MAST2: variants seen among roughly 807,000 people sequenced by gnomAD.
MAST2 encodes microtubule associated serine/threonine kinase 2.
Under a neutral mutation model 147.4 loss-of-function variants are expected in MAST2, and 70 were observed. That is an observed-to-expected ratio of 0.47 (90% CI 0.39 to 0.58). The LOEUF is 0.58. MAST2 is among the 20% of genes least tolerant of loss of function. The pLI, the probability that MAST2 is intolerant of heterozygous loss-of-function variation, is 0.00. For synonymous variants in MAST2, 869 were observed against 896.8 expected (o/e 0.97, Z 0.55); for missense variants, 2,080 against 2,302.3 (o/e 0.90, Z 1.98).
chr1:46,025,580 C>T, intron 15 of MAST2, 97 bp from the exon 16 acceptor site: 3 of 1,416,966 alleles, frequency 2.1e-6, no homozygotes, highest in Non-Finnish European at 3.0e-6. Context: ...TTCCATGAAG[C>T]TGTCTCCTCT....
chr1:45,975,667 ACT>A (rs1409486404), intron 5 of MAST2, among the ~76,000 whole-genome samples: 1 of 143,824 alleles, frequency 7.0e-6, no homozygotes, highest in East Asian at 2.0e-4. Context: ...ACAGAGCAAG[ACT>A]CTGTCTCAAA....
intron 5 of MAST2, among the ~76,000 whole-genome samples, chr1:45,995,789 T>G (rs1645032662): frequency 6.6e-6 from 1 of 152,142 alleles, no homozygotes; most frequent in South Asian, 2.1e-4. Context: ...CTGTTTTTCT[T>G]GAGAGATTCT....
At chr1:45,850,747 G>C (rs1488514946) in intron 3 of MAST2, among the ~76,000 whole-genome samples, 1 of 151,468 alleles carries the variant, frequency 6.6e-6, no homozygotes, top group East Asian at 1.9e-4. Flanking sequence ...CTTTGCTAAA[G>C]ATCAGAAGAT....
At chr1:46,032,865 C>T (rs1347621136) in intron 26 of MAST2, 147 bp downstream of exon 26, 27 of 1,072,396 alleles carry the variant, frequency 2.5e-5, no homozygotes, top group Non-Finnish European at 3.3e-5. Context: ...CGCGGTGGCT[C>T]ATGCCTGTAA....
In MAST2 at chr1:45,804,037, C is replaced by G. The variant is rs1020485123; in HGVS notation, c.142C>G (p.Arg48Gly). 2.4e-6 allele frequency: 3 copies of G among 1,257,738 alleles called. No homozygotes were observed. Among genetic ancestry groups the G allele is most frequent in the Non-Finnish European group, 3.0e-6 (3 of 986,498 alleles). 77.9% of individuals were successfully genotyped at this position (1,257,738 alleles called of 1,614,324 possible). ...GCCCGGGAGGCAGCGGCTGGAGGAG[C>G]GGACGGGCCCCGCGGGGCCCGAGGG... ...APPGRQRLEE[R>G]TGPAGPEGKE... is the part of the protein sequence containing the mutation. Residue 48 changes from arginine (R) to glycine (G), a missense_variant, in exon 1 of 29, where the codon CGG becomes GGG. By Grantham distance (125) the Arg-to-Gly change is moderately radical. Coordinates refer to ENST00000361297, the MANE Select transcript of MAST2 (RefSeq NM_015112.3).
chr1:45,912,724 T>C (rs560752353), intron 4 of MAST2, among the ~76,000 whole-genome samples: 1 of 152,386 alleles, frequency 6.6e-6, no homozygotes, highest in African/African-American at 2.4e-5. Flanking sequence ...CTCCACAGTT[T>C]ACTTGATCAC....
In MAST2 at chr1:46,027,807, A is replaced by G. The variant is rs778360278; in HGVS notation, c.1996A>G (p.Thr666Ala). ...CAAAATTGGCCTCATGAGTCTGACA[A>G]CGAACTTGTATGAGGGTCATATTGA... is the stretch of plus-strand genomic sequence containing the variant. Reference protein sequence around the residue: ...LSKIGLMSLTTNLYEGHIEKD... With the variant: ...LSKIGLMSLTANLYEGHIEKD... Residue 666 changes from threonine (T) to alanine (A), a missense_variant, in exon 17 of 29, where the codon ACG becomes GCG. This residue lies in a region of MAST2 where 209 missense variants were observed against 309.5 expected (regional missense o/e 0.68). Transcript: ENST00000361297. The G allele has an allele frequency of 1.2e-6, 2 of 1,614,210 alleles. No homozygotes were observed. Among genetic ancestry groups the G allele is most frequent in the East Asian group, 2.2e-5 (1 of 44,880 alleles).
chr1:45,876,077 G>A (rs1267098902), intron 3 of MAST2, among the ~76,000 whole-genome samples: 2 of 152,172 alleles, frequency 1.3e-5, no homozygotes, highest in African/African-American at 4.8e-5. Flanking sequence ...GGACAGAAGA[G>A]TGAATGATAC....
chr1:45,925,038 A>C (rs1654142398), intron 4 of MAST2, among the ~76,000 whole-genome samples: 1 of 152,236 alleles, frequency 6.6e-6, no homozygotes, highest in Non-Finnish European at 1.5e-5. Flanking sequence ...GTAAACCAAC[A>C]CAGCTATTGA....
chr1:45,843,840 T>C (rs1389912048), intron 3 of MAST2, among the ~76,000 whole-genome samples: 2 of 152,100 alleles, frequency 1.3e-5, no homozygotes, highest in Non-Finnish European at 2.9e-5. Flanking sequence ...AAAATAAAAG[T>C]TTTGAAATTT....
chr1:45,949,410 G>C (rs1159188412), intron 4 of MAST2, among the ~76,000 whole-genome samples: 1 of 152,090 alleles, frequency 6.6e-6, no homozygotes, highest in African/African-American at 2.4e-5. Context: ...GGCAAAGGAC[G>C]TGAACAGATA....
chr1:45,966,790 C>T (rs1661278661), intron 5 of MAST2, among the ~76,000 whole-genome samples: 1 of 151,098 alleles, frequency 6.6e-6, no homozygotes, highest in South Asian at 2.1e-4. Context: ...TTCCCACCAG[C>T]AGTAAATGAA....
intron 4 of MAST2, among the ~76,000 whole-genome samples, chr1:45,905,205 C>A (rs1650483816): frequency 7.4e-6 from 1 of 134,510 alleles, no homozygotes; most frequent in South Asian, 2.3e-4. Context: ...GAGGCAGAGT[C>A]TTGCTGTGTC....
chr1:45,984,436 A>G (rs1468647861), intron 5 of MAST2, among the ~76,000 whole-genome samples: 4 of 151,228 alleles, frequency 2.6e-5, no homozygotes, highest in African/African-American at 7.3e-5. Flanking sequence ...CCAACTAAGT[A>G]CGACCACAGA....
At chr1:46,019,365 G>C (rs1646089314) in intron 10 of MAST2, among the ~76,000 whole-genome samples, 1 of 152,156 alleles carries the variant, frequency 6.6e-6, no homozygotes, top group Non-Finnish European at 1.5e-5. Flanking sequence ...AGGTACAGCT[G>C]TATGTCTGTG....
chr1:45,811,077 C>T (rs1035590244), intron 1 of MAST2, among the ~76,000 whole-genome samples: 2 of 151,626 alleles, frequency 1.3e-5, no homozygotes, highest in African/African-American at 2.4e-5. Context: ...TCTCAAACTC[C>T]CGACCTCAAG....
At chr1:45,949,995 T>TATAAGTGGGAGC in intron 4 of MAST2, among the ~76,000 whole-genome samples, 1 of 152,176 alleles carries the variant, frequency 6.6e-6, no homozygotes, top group African/African-American at 2.4e-5. Context: ...TGTTCTTACT[T>TATAAGTGGGAGC]ATAAGTGGGA....
chr1:45,839,060 G>A (rs561915269), intron 3 of MAST2, among the ~76,000 whole-genome samples: 6 of 151,400 alleles, frequency 4.0e-5, no homozygotes, highest in East Asian at 3.9e-4. Context: ...TGCGACCTCC[G>A]CCTCCTGGGC....
At chr1:45,924,594 A>G (rs1354098670) in intron 4 of MAST2, among the ~76,000 whole-genome samples, 4 of 152,164 alleles carry the variant, frequency 2.6e-5, no homozygotes, top group Non-Finnish European at 5.9e-5. Flanking sequence ...GAGTCATGTC[A>G]GTGGCCATAT....
Sources: allele counts gnomAD v4.1 joint callset (sites outside exome capture counted in the v4.1 genomes callset), GRCh38; gene constraint gnomAD v4.1.1; regional missense constraint gnomAD v4.1.1; transcripts MANE v1.5; gene names NCBI Gene and HGNC (gene_info 2026-07-23, HGNC 2026-07-21).